Variants in RETREG1 observed in about 807,000 individuals in gnomAD.
The protein encoded by RETREG1 is family with sequence similarity 134 member B.
RETREG1 carries 44 observed loss-of-function variants against 54.8 expected under a neutral mutation model. The observed-to-expected ratio is 0.80, with a 90% CI of 0.63 to 1.03. RETREG1 has a LOEUF of 1.03. RETREG1 is among the 50% of genes least tolerant of loss of function. The pLI, the probability that RETREG1 is intolerant of heterozygous loss-of-function variation, is 0.00. For missense variants in RETREG1, 554 were observed against 605.1 expected (o/e 0.92, Z 0.89); for synonymous variants, 217 against 238.5 (o/e 0.91, Z 0.83).
At chr5:16,563,644 T>C (rs1043224230) in intron 3 of RETREG1, among the ~76,000 whole-genome samples, 1 of 151,992 alleles carries the variant, frequency 6.6e-6, no homozygotes. Flanking sequence ...CTTTATCATA[T>C]TATTAATTCC....
Position 16,585,711 on chromosome 5 carries a change from C to G in RETREG1, c.321-13609G>C, listed in dbSNP as rs186774349. On this transcript the variant is annotated intron_variant, in intron 1 of 8. Transcript: ENST00000306320. This position sits in a 1 kb window ranked among gnomAD's most constrained non-coding sequence, Gnocchi z 4.5. ...CTGGCTCTTGGTTCTGCAGGCTGTA[C>G]AGGAAGCATGGGGTCAGCATCTGCT... 1.3e-5 allele frequency among the ~76,000 whole-genome samples: 2 copies of G among 152,134 alleles called. No individual in the cohort carries two copies. The highest frequency in any genetic ancestry group is 4.8e-5 in the African/African-American group (2 of 41,428).
At chr5:16,478,734 A>G in intron 6 of RETREG1, 116 bp downstream of exon 6, 1 of 943,580 alleles carries the variant, frequency 1.1e-6, no homozygotes, top group Non-Finnish European at 1.7e-6. Context: ...ATTAGCTTCT[A>G]TAATAATATT....
chr5:16,534,313 G>A (rs2126598266), intron 3 of RETREG1, among the ~76,000 whole-genome samples: 1 of 152,284 alleles, frequency 6.6e-6, no homozygotes. Flanking sequence ...TAGCATCAGT[G>A]TATGTTCAGA....
At chr5:16,485,410 C>G (rs1738975699) in intron 3 of RETREG1, among the ~76,000 whole-genome samples, 3 of 152,118 alleles carry the variant, frequency 2.0e-5, no homozygotes, top group African/African-American at 4.8e-5. Context: ...CTCAAACAAT[C>G]CTCCCACCTT....
chr5:16,569,955 C>A (rs1446816555), intron 2 of RETREG1, among the ~76,000 whole-genome samples: 1 of 152,238 alleles, frequency 6.6e-6, no homozygotes, highest in East Asian at 1.9e-4. Context: ...CCAGGAGCTG[C>A]AAGAGGCAAG....
At position 16,474,797 on chromosome 5, in the gene RETREG1, C is replaced by A; in HGVS notation, c.1438G>T (p.Ala480Ser). 2 of 1,613,246 alleles carry A rather than the reference C, an allele frequency of 1.2e-6. No homozygotes were observed. The highest frequency in any genetic ancestry group is 1.7e-6 in the Non-Finnish European group (2 of 1,179,876). Reference protein sequence around the residue: ...LGLTQDQEAEAQQNKKSSGFL... With the variant: ...LGLTQDQEAESQQNKKSSGFL... Reference sequence around the variant, plus strand: ...CCTGAAGACTTCTTATTTTGCTGTGCTTCTGCTTCCTGGTCTTGTGTAAGT... The same window carrying A: ...CCTGAAGACTTCTTATTTTGCTGTGATTCTGCTTCCTGGTCTTGTGTAAGT... Residue 480 changes from alanine (A) to serine (S), a missense_variant, in exon 9 of 9, where the codon GCA becomes TCA. By Grantham distance (99) the Ala-to-Ser change is moderately conservative (BLOSUM62 1). Around this residue, in one of 4 missense-constraint regions of RETREG1, gnomAD observed 30 missense variants for 32.4 expected, o/e 0.93. Coordinates refer to ENST00000306320, the MANE Select transcript of RETREG1 (RefSeq NM_001034850.3).
At chr5:16,572,550 T>C (rs1438270535) in intron 1 of RETREG1, among the ~76,000 whole-genome samples, 1 of 152,180 alleles carries the variant, frequency 6.6e-6, no homozygotes, top group Admixed American at 6.5e-5. Flanking sequence ...TGTGACTGCA[T>C]GAAAGTTATT....
At chr5:16,518,100 T>C (rs1432008682) in intron 3 of RETREG1, among the ~76,000 whole-genome samples, 1 of 148,350 alleles carries the variant, frequency 6.7e-6, no homozygotes, top group Non-Finnish European at 1.5e-5. Context: ...TATATTTATA[T>C]ATAATCAATG....
At chr5:16,518,117 C>T (rs1221844761) in intron 3 of RETREG1, among the ~76,000 whole-genome samples, 1 of 147,222 alleles carries the variant, frequency 6.8e-6, no homozygotes, top group African/African-American at 2.5e-5. Context: ...AATGTATTTA[C>T]ATATAATTGT....
At chr5:16,601,625 A>C (rs1182778178) in intron 1 of RETREG1, among the ~76,000 whole-genome samples, 1 of 151,972 alleles carries the variant, frequency 6.6e-6, no homozygotes, top group African/African-American at 2.4e-5. Flanking sequence ...CGAACTCCTG[A>C]CCTCAAGTGA....
At chr5:16,523,408 T>C (rs1030313243) in intron 3 of RETREG1, among the ~76,000 whole-genome samples, 1 of 152,104 alleles carries the variant, frequency 6.6e-6, no homozygotes, top group African/African-American at 2.4e-5. Context: ...GAGTGTTTTG[T>C]AGAGATGCGT....
chr5:16,481,402 C>G (rs1738768665), intron 4 of RETREG1, among the ~76,000 whole-genome samples: 2 of 152,116 alleles, frequency 1.3e-5, no homozygotes, highest in African/African-American at 2.4e-5. Context: ...TGCAAGAGAA[C>G]AGAAAACTAT....
At chr5:16,483,937 T>C (rs2126521920) in intron 3 of RETREG1, among the ~76,000 whole-genome samples, 2 of 152,240 alleles carry the variant, frequency 1.3e-5, no homozygotes, top group Middle Eastern at 6.8e-3. Context: ...GACTAGGTCA[T>C]GGAAGACTTG....
intron 3 of RETREG1, among the ~76,000 whole-genome samples, chr5:16,510,134 CT>C (rs1740122427): frequency 1.3e-5 from 2 of 152,234 alleles, no homozygotes; most frequent in South Asian, 4.1e-4. Flanking sequence ...AAGTGACTTT[CT>C]ACCACATTAA....
chr5:16,530,631 G>A (rs913633724), intron 3 of RETREG1, among the ~76,000 whole-genome samples: 1 of 152,172 alleles, frequency 6.6e-6, no homozygotes, highest in Non-Finnish European at 1.5e-5. Flanking sequence ...CCAGCACTTT[G>A]GGAGGCCGAG....
At chr5:16,575,043 G>A (rs142515545) in intron 1 of RETREG1, among the ~76,000 whole-genome samples, 20 of 152,296 alleles carry the variant, frequency 1.3e-4, no homozygotes, top group Admixed American at 2.6e-4. Flanking sequence ...ATTCATTCTT[G>A]CTCTTGTTCA....
rs75959946 is a variant in RETREG1, at chr5:16,537,142, G to A, written c.458+28621C>T. ...TCTGTTCTTGGAACCCTGACCAAGG[G>A]CCAGGCCCTGCACCAAGCACATAAT... On this transcript the variant is annotated intron_variant, in intron 3 of 8. Transcript: ENST00000306320. Among the ~76,000 whole-genome samples the A allele has an allele frequency of 6.0e-3, 911 of 152,276 alleles. 11 individuals are homozygous for A. The highest frequency in any genetic ancestry group is 0.02 in the African/African-American group (851 of 41,530).
At chr5:16,558,117 G>C (rs756038762) in intron 3 of RETREG1, among the ~76,000 whole-genome samples, 7 of 152,144 alleles carry the variant, frequency 4.6e-5, no homozygotes, top group Non-Finnish European at 8.8e-5. Flanking sequence ...AGTTGGAGCT[G>C]AGTGTGATGG....
chr5:16,517,374 T>A (rs1740395366), intron 3 of RETREG1, among the ~76,000 whole-genome samples: 1 of 152,238 alleles, frequency 6.6e-6, no homozygotes, highest in African/African-American at 2.4e-5. Context: ...AAGGCAGGGA[T>A]GTTCTTGTTT....
Sources: gnomAD v4.1 joint callset for allele counts (sites outside exome capture counted in the v4.1 genomes callset) on GRCh38, gnomAD v4.1.1 for gene constraint, gnomAD v4.1.1 regional missense constraint, Gnocchi (gnomAD v3.1) non-coding constraint, MANE v1.5 for transcripts, NCBI Gene and HGNC (gene_info 2026-07-23, HGNC 2026-07-21) for gene names.